The following EYA4 variants were observed in gnomAD, a reference collection of about 807,000 sequenced individuals.
The protein encoded by EYA4 is protein phosphatase EYA4.
A neutral mutation model predicts 87.9 loss-of-function variants in EYA4; 31 were observed. That is an observed-to-expected ratio of 0.35 (90% CI 0.27 to 0.48). The LOEUF is 0.48. Ranked by LOEUF, EYA4 falls within the 20% of genes least tolerant of loss-of-function variation. EYA4 has a pLI of 0.99. For missense variants in EYA4, 678 were observed against 761.4 expected (o/e 0.89, Z 1.29); for synonymous variants, 263 against 270.6 (o/e 0.97, Z 0.28).
At chr6:133,487,885 T>C (rs1022240264) in intron 13 of EYA4, among the ~76,000 whole-genome samples, 3 of 152,110 alleles carry the variant, frequency 2.0e-5, no homozygotes, top group Admixed American at 6.5e-5. Flanking sequence ...TCTTGCAGTT[T>C]AGGTACCAGC....
At chr6:133,489,016 A>G (rs1422957427) in intron 13 of EYA4, among the ~76,000 whole-genome samples, 1 of 152,230 alleles carries the variant, frequency 6.6e-6, no homozygotes, top group African/African-American at 2.4e-5. Context: ...TCAAGATAAC[A>G]GAGAAGGAAT....
chr6:133,264,368 G>C (rs1295642019), intron 1 of EYA4, among the ~76,000 whole-genome samples: 1 of 152,228 alleles, frequency 6.6e-6, no homozygotes, highest in Admixed American at 6.5e-5. Context: ...GCTCTGAATT[G>C]TTTTTAGAGA....
intron 3 of EYA4, among the ~76,000 whole-genome samples, chr6:133,383,517 C>CAAAAAAAAAAAAAAAA (rs768724484): frequency 8.8e-5 from 4 of 45,240 alleles, no homozygotes; most frequent in Admixed American, 5.0e-4. Context: ...GACTCCATCT[C>CAAAAAAAAAAAAAAAA]AAAAAAAAAA....
In EYA4 at chr6:133,399,231, GA is replaced by G. The variant is rs373523264; in HGVS notation, c.83+16791del. Reference sequence around the variant, plus strand: ...TTCATTTTTATAATTTCTTCTTTCTGATAGTAAACCATTTAATTTGGAGCAA... The same window carrying G: ...TTCATTTTTATAATTTCTTCTTTCTGTAGTAAACCATTTAATTTGGAGCAA... On this transcript the variant is annotated intron_variant, in intron 3 of 19. Coordinates refer to ENST00000355286, the MANE Select transcript of EYA4 (RefSeq NM_004100.5). Among the ~76,000 whole-genome samples the G allele has an allele frequency of 5.7e-4, 87 of 152,208 alleles. 1 individual carries two copies. The highest frequency in any genetic ancestry group is 1.9e-3 in the African/African-American group (79 of 41,556).
chr6:133,355,199 C>G (rs1052948859), intron 2 of EYA4, among the ~76,000 whole-genome samples: 3 of 152,124 alleles, frequency 2.0e-5, no homozygotes, highest in African/African-American at 7.2e-5. Context: ...ATCTCTTAAG[C>G]CTAGTACCCA....
chr6:133,416,485 A>G (rs1399753284), intron 3 of EYA4, among the ~76,000 whole-genome samples: 2 of 152,156 alleles, frequency 1.3e-5, no homozygotes, highest in African/African-American at 4.8e-5. Flanking sequence ...GATCTATTTT[A>G]AAATCCTTAC....
At chr6:133,299,957 A>ATCTATCTATC (rs1410723243) in intron 2 of EYA4, among the ~76,000 whole-genome samples, 1 of 107,506 alleles carries the variant, frequency 9.3e-6, no homozygotes, top group African/African-American at 3.3e-5. Context: ...CTATCTATCT[A>ATCTATCTATC]TATATATATA....
chr6:133,372,162 C>T lies in EYA4; in HGVS notation c.34-10230C>T, dbSNP rs140532243. Among the ~76,000 whole-genome samples, 467 of 152,136 alleles carry T rather than the reference C, an allele frequency of 3.1e-3. 4 individuals are homozygous for T. Among genetic ancestry groups the T allele is most frequent in the African/African-American group, 0.011 (445 of 41,536 alleles). On this transcript the variant is annotated intron_variant, in intron 2 of 19. Coordinates refer to ENST00000355286, the MANE Select transcript of EYA4 (RefSeq NM_004100.5). The stretch of plus-strand genomic sequence containing the variant: ...ATATAAAAATTATTGTAATAAATTT[C>T]TTAGATTTTAGTTGAAGTTACACAG...
chr6:133,419,248 G>A (rs1038312426), intron 3 of EYA4, among the ~76,000 whole-genome samples: 22 of 152,244 alleles, frequency 1.4e-4, no homozygotes, highest in African/African-American at 5.3e-4. Flanking sequence ...TGACCGTGAG[G>A]GATGTATTTT....
At chr6:133,464,105 C>A (rs1794644366) in intron 9 of EYA4, among the ~76,000 whole-genome samples, 1 of 152,022 alleles carries the variant, frequency 6.6e-6, no homozygotes, top group Non-Finnish European at 1.5e-5. Flanking sequence ...TACTTCTTGA[C>A]AAGCACATTC....
intron 17 of EYA4, among the ~76,000 whole-genome samples, chr6:133,521,914 A>G (rs1800187484): frequency 7.1e-6 from 1 of 141,474 alleles, no homozygotes; most frequent in African/African-American, 2.6e-5. Flanking sequence ...AAATTGAACA[A>G]TGAGATCACA....
intron 2 of EYA4, among the ~76,000 whole-genome samples, chr6:133,323,221 A>G (rs552282638): frequency 6.6e-6 from 1 of 152,156 alleles, no homozygotes; most frequent in East Asian, 1.9e-4. Context: ...AGCTCTTGCC[A>G]TCATGTTGGT....
chr6:133,367,582 G>A (rs780240480), intron 2 of EYA4, among the ~76,000 whole-genome samples: 5 of 152,092 alleles, frequency 3.3e-5, no homozygotes, highest in African/African-American at 4.8e-5. Flanking sequence ...GTTCATAATA[G>A]CTTCACTTTT....
chr6:133,262,009 TTC>T (rs1775834051), intron 1 of EYA4, among the ~76,000 whole-genome samples: 1 of 152,238 alleles, frequency 6.6e-6, no homozygotes, highest in Non-Finnish European at 1.5e-5. Flanking sequence ...ATCTATTTTA[TTC>T]CAGTCTTTAT....
intron 3 of EYA4, among the ~76,000 whole-genome samples, chr6:133,402,509 T>G (rs553142835): frequency 8.5e-5 from 13 of 152,310 alleles, no homozygotes; most frequent in African/African-American, 2.9e-4. Flanking sequence ...AAAGTGAGAA[T>G]CTAGCTATAT....
chr6:133,452,338 A>G (rs1000237587), intron 5 of EYA4, among the ~76,000 whole-genome samples: 2 of 152,180 alleles, frequency 1.3e-5, no homozygotes, highest in African/African-American at 4.8e-5. Flanking sequence ...TTTAAACTAC[A>G]CTGATTTATG....
intron 13 of EYA4, among the ~76,000 whole-genome samples, chr6:133,497,175 A>G (rs973446994): frequency 1.3e-5 from 2 of 152,124 alleles, no homozygotes; most frequent in Non-Finnish European, 2.9e-5. Flanking sequence ...TGGCAAGATC[A>G]GTGAAATCCG....
At chr6:133,451,164 C>T (rs1042983362) in intron 5 of EYA4, among the ~76,000 whole-genome samples, 1 of 152,090 alleles carries the variant, frequency 6.6e-6, no homozygotes, top group Admixed American at 6.5e-5. Flanking sequence ...CACAAATTAA[C>T]GTGATTGTAT....
intron 1 of EYA4, among the ~76,000 whole-genome samples, chr6:133,263,576 G>A (rs370446465): frequency 1.8e-4 from 28 of 152,278 alleles, no homozygotes; most frequent in African/African-American, 5.8e-4. Flanking sequence ...AAGTAATTTC[G>A]TGCAACTGGA....
Sources: gnomAD v4.1 joint callset for allele counts (sites outside exome capture counted in the v4.1 genomes callset) on GRCh38, gnomAD v4.1.1 for gene constraint, MANE v1.5 for transcripts, NCBI Gene and HGNC (gene_info 2026-07-23, HGNC 2026-07-21) for gene names.